Variants in RNF111 observed in about 807,000 individuals in gnomAD.
The protein encoded by RNF111 is ring finger protein 111.
RNF111 carries 17 observed loss-of-function variants against 95.1 expected under a neutral mutation model. That is an observed-to-expected ratio of 0.18 (90% CI 0.12 to 0.27). The LOEUF is 0.27. Ranked by LOEUF, RNF111 falls within the 10% of genes least tolerant of loss-of-function variation. RNF111 has a pLI of 1.00. For synonymous variants in RNF111, 440 were observed against 414.8 expected (o/e 1.06, Z -0.74); for missense variants, 1,189 against 1,210.4 (o/e 0.98, Z 0.26).
intron 1 of RNF111, 53 bp from the exon 2 acceptor site, chr15:59,030,751 T>C (rs2040862696): frequency 2.4e-6 from 3 of 1,250,766 alleles, no homozygotes; most frequent in Admixed American, 2.5e-5. Flanking sequence ...TTCAATTAAA[T>C]AGTATAATAA....
chr15:58,988,618 T>C (rs2141329483), intron 1 of RNF111, among the ~76,000 whole-genome samples: 1 of 152,378 alleles, frequency 6.6e-6, no homozygotes, highest in South Asian at 2.1e-4. Flanking sequence ...GTGTCAGTGC[T>C]ATAGTGGGAA....
chr15:59,006,841 C>A (rs2039562552), intron 1 of RNF111, among the ~76,000 whole-genome samples: 1 of 152,140 alleles, frequency 6.6e-6, no homozygotes, highest in Non-Finnish European at 1.5e-5. Context: ...GGCTGGAGTG[C>A]AATGGCATGA....
Position 59,076,083 on chromosome 15 carries a change from G to T in RNF111, c.1816G>T (p.Ala606Ser), listed in dbSNP as rs767172872. The T allele has an allele frequency of 2.5e-6, 4 of 1,614,022 alleles. No homozygotes were observed. The African/African-American group carries it at 4.0e-5, about 16-fold the overall frequency. The change falls in exon 7 of 14, where the codon GCC (alanine) becomes TCC (serine). Residue 606 changes from alanine to serine, a missense_variant. Around this residue, in one of 2 missense-constraint regions of RNF111, gnomAD observed 1,024 missense variants for 925.9 expected, o/e 1.11. Transcript: ENST00000348370. The stretch of plus-strand genomic sequence containing the variant: ...CCGAGCTGCAATCTTTGGCCATCAG[G>T]CCGCTGCTGCTGCCCCAAGTCAACC... ...SSRAAIFGHQ[A>S]AAAAPSQPLS...
intron 2 of RNF111, among the ~76,000 whole-genome samples, chr15:59,046,951 T>C (rs2041741394): frequency 6.6e-6 from 1 of 152,052 alleles, no homozygotes; most frequent in African/African-American, 2.4e-5. Context: ...CACTGCAGAC[T>C]CGGCCCCCTG....
intron 1 of RNF111, among the ~76,000 whole-genome samples, chr15:59,002,845 T>C (rs2039383628): frequency 6.6e-6 from 1 of 152,192 alleles, no homozygotes; most frequent in Non-Finnish European, 1.5e-5. Context: ...GTCTTTCCTA[T>C]TTTTTCTCTC....
rs1438495493 is a variant in RNF111 at position 59,058,348 on chromosome 15, T to C, written c.1172-8T>C. ...TGAAATGCTAAGTTGACATTTTGTATTTTGTAGAACCTACTGTAGTACCAA... is the reference window on the plus strand; with the variant it reads ...TGAAATGCTAAGTTGACATTTTGTACTTTGTAGAACCTACTGTAGTACCAA... On this transcript the variant is annotated splice_region_variant and splice_polypyrimidine_tract_variant and intron_variant, in intron 4 of 13. Coordinates refer to ENST00000348370, the MANE Select transcript of RNF111 (RefSeq NM_017610.8). 1 of 1,612,196 alleles carries C rather than the reference T, an allele frequency of 6.2e-7. No homozygotes were observed. The highest frequency in any genetic ancestry group is 8.5e-7 in the Non-Finnish European group (1 of 1,178,260).
At chr15:59,053,010 A>C (rs2042055082) in intron 3 of RNF111, among the ~76,000 whole-genome samples, 1 of 152,204 alleles carries the variant, frequency 6.6e-6, no homozygotes. Context: ...AAATGAAAAA[A>C]TATTAAGGGG....
chr15:59,001,707 T>C (rs2039331864), intron 1 of RNF111, among the ~76,000 whole-genome samples: 1 of 152,196 alleles, frequency 6.6e-6, no homozygotes, highest in Admixed American at 6.5e-5. Context: ...TCATGTGATA[T>C]AAGATTTGTT....
intron 5 of RNF111, among the ~76,000 whole-genome samples, chr15:59,064,026 T>C (rs148929654): frequency 1.0e-3 from 158 of 152,324 alleles, no homozygotes; most frequent in Middle Eastern, 3.4e-3. Context: ...GTAAAGCTAC[T>C]GTAATAATGA....
At chr15:59,078,260 G>A (rs1314986381) in intron 7 of RNF111, among the ~76,000 whole-genome samples, 2 of 152,128 alleles carry the variant, frequency 1.3e-5, no homozygotes, top group Non-Finnish European at 2.9e-5. Context: ...CAATACTTGT[G>A]GAGTAAGAAT....
intron 1 of RNF111, among the ~76,000 whole-genome samples, chr15:59,004,554 A>G (rs2039456635): frequency 6.6e-6 from 1 of 152,204 alleles, no homozygotes; most frequent in Admixed American, 6.5e-5. Context: ...TATGCAGGAT[A>G]ATGAATTCTT....
intron 7 of RNF111, among the ~76,000 whole-genome samples, chr15:59,079,541 A>G (rs1234510464): frequency 6.6e-6 from 1 of 152,246 alleles, no homozygotes; most frequent in Non-Finnish European, 1.5e-5. Context: ...ATGAATCAAA[A>G]GCATTAAAAA....
At chr15:59,047,982 G>C (rs1455262594) in intron 2 of RNF111, among the ~76,000 whole-genome samples, 3 of 152,222 alleles carry the variant, frequency 2.0e-5, no homozygotes, top group Non-Finnish European at 2.9e-5. Context: ...AGGATGTGGA[G>C]AACCTGAAAC....
chr15:59,008,748 T>A (rs1040985236), intron 1 of RNF111, among the ~76,000 whole-genome samples: 2 of 152,158 alleles, frequency 1.3e-5, no homozygotes, highest in Non-Finnish European at 2.9e-5. Flanking sequence ...TGAGGGTTTT[T>A]AAAAATCATA....
At chr15:59,046,240 CT>C (rs1311279262) in intron 2 of RNF111, among the ~76,000 whole-genome samples, 1 of 150,564 alleles carries the variant, frequency 6.6e-6, no homozygotes, top group African/African-American at 2.4e-5. Context: ...GTTGCCCAGG[CT>C]GGACTGCAGT....
chr15:59,069,127 C>T (rs2042799822), intron 6 of RNF111, among the ~76,000 whole-genome samples: 1 of 150,696 alleles, frequency 6.6e-6, no homozygotes, highest in South Asian at 2.1e-4. Flanking sequence ...ACAGCTGGTC[C>T]TATCAAGAGG....
intron 2 of RNF111, among the ~76,000 whole-genome samples, chr15:59,034,378 A>G (rs2041067716): frequency 6.6e-6 from 1 of 152,218 alleles, no homozygotes; most frequent in South Asian, 2.1e-4. Context: ...ATGCCCTCCA[A>G]GAAGTTTGCA....
intron 2 of RNF111, among the ~76,000 whole-genome samples, chr15:59,036,276 T>C (rs1270006181): frequency 2.6e-5 from 4 of 152,110 alleles, no homozygotes; most frequent in African/African-American, 9.7e-5. Flanking sequence ...CGGGCTGGTC[T>C]CAAACTCCTG....
intron 2 of RNF111, among the ~76,000 whole-genome samples, chr15:59,034,149 A>G (rs1160051418): frequency 2.6e-5 from 4 of 152,152 alleles, no homozygotes; most frequent in Admixed American, 2.0e-4. Flanking sequence ...TTATATCACT[A>G]TGTATAGTTA....
Sources: allele counts gnomAD v4.1 joint callset (sites outside exome capture counted in the v4.1 genomes callset), GRCh38; gene constraint gnomAD v4.1.1; regional missense constraint gnomAD v4.1.1; transcripts MANE v1.5; gene names NCBI Gene and HGNC (gene_info 2026-07-23, HGNC 2026-07-21).